EPHB1: variants seen among roughly 807,000 people sequenced by gnomAD.
The protein encoded by EPHB1 is EPH receptor B1.
Under a neutral mutation model 94.4 loss-of-function variants are expected in EPHB1, and 30 were observed. The ratio of observed to expected loss-of-function variants is 0.32; its 90% CI spans 0.24 to 0.43. The LOEUF is 0.43. Ranked by LOEUF, EPHB1 falls within the 20% of genes least tolerant of loss-of-function variation. EPHB1 has a pLI of 1.00. For missense variants in EPHB1, 1,055 were observed against 1,308.3 expected, an observed-to-expected ratio of 0.81 and a Z score of 2.99; for synonymous variants, 522 against 489.1, an observed-to-expected ratio of 1.07 and a Z score of -0.89.
chr3:135,012,259 C>T (rs971909715), intron 3 of EPHB1, among the ~76,000 whole-genome samples: 1 of 152,252 alleles, frequency 6.6e-6, no homozygotes, highest in African/African-American at 2.4e-5. Flanking sequence ...CCCAAGGCAT[C>T]AACATTGCAG....
intron 3 of EPHB1, among the ~76,000 whole-genome samples, chr3:135,100,528 G>C (rs1162265136): frequency 2.6e-5 from 4 of 152,136 alleles, no homozygotes; most frequent in Non-Finnish European, 1.5e-5. Flanking sequence ...TGGCTGCTTG[G>C]AAATGCTTTG....
Position 134,925,680 on chromosome 3 carries a change from G to A in EPHB1, c.59-136G>A, listed in dbSNP as rs568005272. 1.7e-5 allele frequency: 11 copies of A among 662,592 alleles called. No individual in the cohort carries two copies. The South Asian group carries it at 2.0e-4, about 12-fold the overall frequency. The allele number at this position is 662,592 out of a possible 1,614,324, so 41.0% of individuals were successfully genotyped here. A position where few individuals can be genotyped will look rare whatever the true frequency, so the allele number is the denominator to read the frequency against. On this transcript the variant is annotated intron_variant, in intron 1 of 15. Coordinates refer to ENST00000398015, the MANE Select transcript of EPHB1 (RefSeq NM_004441.5). ...GCCTTGGGCTTCACAGAGAGACCTGGGCTTGAAGATGCACAAACCTCCTTG... is the reference window on the plus strand; with the variant it reads ...GCCTTGGGCTTCACAGAGAGACCTGAGCTTGAAGATGCACAAACCTCCTTG...
chr3:135,016,137 C>G (rs945114354), intron 3 of EPHB1, among the ~76,000 whole-genome samples: 3 of 152,132 alleles, frequency 2.0e-5, no homozygotes, highest in African/African-American at 4.8e-5. Flanking sequence ...GATTGAAGGG[C>G]CTTCATTCTG....
intron 5 of EPHB1, among the ~76,000 whole-genome samples, chr3:135,147,992 GA>G: frequency 6.6e-6 from 1 of 152,336 alleles, no homozygotes; most frequent in African/African-American, 2.4e-5. Context: ...ACTGAAGTCT[GA>G]GTGTATGTAC....
intron 3 of EPHB1, chr3:135,067,672 A>T (rs546695505): frequency 6.6e-6 from 1 of 152,316 alleles, no homozygotes; most frequent in South Asian, 2.1e-4. Flanking sequence ...TGCATGCCAG[A>T]TTCGCACCCT....
intron 4 of EPHB1, among the ~76,000 whole-genome samples, chr3:135,119,731 C>A (rs1317143287): frequency 6.6e-6 from 1 of 152,176 alleles, no homozygotes; most frequent in Non-Finnish European, 1.5e-5. Context: ...TAGTTACAGG[C>A]GTGAGCCACC....
chr3:135,018,851 G>A (rs955166307), intron 3 of EPHB1, among the ~76,000 whole-genome samples: 1 of 152,138 alleles, frequency 6.6e-6, no homozygotes, highest in African/African-American at 2.4e-5. Context: ...ATGTGACAGG[G>A]ATTGCACATG....
intron 1 of EPHB1, among the ~76,000 whole-genome samples, chr3:134,845,416 T>C (rs759928192): frequency 6.6e-6 from 1 of 152,212 alleles, no homozygotes; most frequent in Non-Finnish European, 1.5e-5. Flanking sequence ...TAAAATAAGA[T>C]TGTATTCTGG....
At chr3:134,897,158 G>T (rs1286803357) in intron 1 of EPHB1, among the ~76,000 whole-genome samples, 1 of 152,254 alleles carries the variant, frequency 6.6e-6, no homozygotes, top group Non-Finnish European at 1.5e-5. Flanking sequence ...CTGAAGGGCA[G>T]TTATCTTCTT....
intron 12 of EPHB1, among the ~76,000 whole-genome samples, chr3:135,239,767 A>T (rs1001090960): frequency 1.3e-5 from 2 of 152,056 alleles, no homozygotes; most frequent in Non-Finnish European, 1.5e-5. Flanking sequence ...GCCATTGTGG[A>T]TTGCTTGTAT....
chr3:135,217,604 C>T (rs1396426391), intron 12 of EPHB1, among the ~76,000 whole-genome samples: 1 of 152,022 alleles, frequency 6.6e-6, no homozygotes, highest in African/African-American at 2.4e-5. Context: ...CCAGGGCTAC[C>T]CAGAAACATA....
intron 15 of EPHB1, among the ~76,000 whole-genome samples, chr3:135,249,841 G>A (rs866268785): frequency 1.3e-5 from 2 of 152,040 alleles, no homozygotes; most frequent in South Asian, 4.2e-4. Flanking sequence ...ATAACAGCAG[G>A]AAAAGCATTG....
chr3:135,186,923 G>A (rs1210712874), intron 10 of EPHB1, among the ~76,000 whole-genome samples: 2 of 152,126 alleles, frequency 1.3e-5, no homozygotes, highest in African/African-American at 4.8e-5. Context: ...GATGAAGCAG[G>A]CATTAGAATC....
At chr3:135,073,558 G>T (rs1407466028) in intron 3 of EPHB1, among the ~76,000 whole-genome samples, 2 of 152,168 alleles carry the variant, frequency 1.3e-5, no homozygotes, top group African/African-American at 4.8e-5. Context: ...ATTCTTCAGA[G>T]TAAATAACCG....
chr3:134,855,031 T>G (rs2108301282), intron 1 of EPHB1, among the ~76,000 whole-genome samples: 1 of 152,318 alleles, frequency 6.6e-6, no homozygotes, highest in East Asian at 1.9e-4. Context: ...TATGTGGGCA[T>G]ATACATATAT....
At chr3:135,148,924 A>T (rs770263186) in intron 5 of EPHB1, among the ~76,000 whole-genome samples, 1 of 152,126 alleles carries the variant, frequency 6.6e-6, no homozygotes, top group South Asian at 2.1e-4. Context: ...CTCTTCTTCG[A>T]CACTCTCATT....
intron 3 of EPHB1, among the ~76,000 whole-genome samples, chr3:135,047,677 CTGTT>C (rs1559808637): frequency 1.3e-5 from 2 of 152,200 alleles, no homozygotes. Flanking sequence ...ATTCATTTCT[CTGTT>C]TATTTGTTTC....
At chr3:134,921,724 A>G (rs1463777079) in intron 1 of EPHB1, among the ~76,000 whole-genome samples, 1 of 152,216 alleles carries the variant, frequency 6.6e-6, no homozygotes, top group Non-Finnish European at 1.5e-5. Context: ...AGAGACTAAA[A>G]CTTGGAGTGA....
At chr3:134,946,852 C>T (rs2039226351) in intron 2 of EPHB1, among the ~76,000 whole-genome samples, 1 of 152,160 alleles carries the variant, frequency 6.6e-6, no homozygotes, top group South Asian at 2.1e-4. Context: ...ATTGTGGTGC[C>T]ATGCTTCTTG....
Sources: allele counts gnomAD v4.1 joint callset (sites outside exome capture counted in the v4.1 genomes callset), GRCh38; gene constraint gnomAD v4.1.1; transcripts MANE v1.5; gene names NCBI Gene and HGNC (gene_info 2026-07-23, HGNC 2026-07-21).